CXCL13: variants seen among roughly 807,000 people sequenced by gnomAD.
CXCL13 encodes C-X-C motif chemokine ligand 13.
In CXCL13, 7 loss-of-function variants were observed where a neutral mutation model predicts 12.2. The observed-to-expected ratio is 0.57, with a 90% CI of 0.33 to 1.07. The LOEUF (loss-of-function observed/expected upper bound fraction) is 1.07. Ranked by LOEUF, CXCL13 falls within the 50% of genes least tolerant of loss-of-function variation. The pLI, the probability that CXCL13 is intolerant of heterozygous loss-of-function variation, is 0.04. For missense variants in CXCL13, 113 were observed against 127.4 expected (o/e 0.89, Z 0.55); for synonymous variants, 47 against 42.4 (o/e 1.11, Z -0.42).
At chr4:77,566,050 G>T (rs559019701) in intron 1 of CXCL13, among the ~76,000 whole-genome samples, 1 of 152,092 alleles carries the variant, frequency 6.6e-6, no homozygotes, top group Non-Finnish European at 1.5e-5. Flanking sequence ...GGACCTATGC[G>T]TCAAGTTTCA....
At chr4:77,556,564 T>C (rs1399633644) in intron 1 of CXCL13, among the ~76,000 whole-genome samples, 3 of 152,210 alleles carry the variant, frequency 2.0e-5, no homozygotes, top group Admixed American at 6.5e-5. Context: ...ACTCAAACTG[T>C]ATATTTAAAA....
At chr4:77,555,651 T>C (rs1725640759) in intron 1 of CXCL13, among the ~76,000 whole-genome samples, 1 of 152,068 alleles carries the variant, frequency 6.6e-6, no homozygotes, top group Non-Finnish European at 1.5e-5. Flanking sequence ...GAAAGAATAA[T>C]ATTAAACATT....
intron 1 of CXCL13, among the ~76,000 whole-genome samples, chr4:77,539,768 G>A (rs976401840): frequency 9.2e-5 from 14 of 152,094 alleles, no homozygotes; most frequent in Non-Finnish European, 1.6e-4. Flanking sequence ...GTTCCCTGGT[G>A]CCAGCTGCAA....
intron 1 of CXCL13, among the ~76,000 whole-genome samples, chr4:77,594,225 G>A (rs904905707): frequency 6.6e-5 from 10 of 152,106 alleles, no homozygotes; most frequent in Admixed American, 3.9e-4. Context: ...TGCAGAGGAC[G>A]AGAGGAGTGA....
At chr4:77,519,491 T>A (rs902840481) in intron 1 of CXCL13, among the ~76,000 whole-genome samples, 22 of 152,216 alleles carry the variant, frequency 1.4e-4, no homozygotes, top group South Asian at 2.1e-4. Context: ...TTTTTTCATG[T>A]GTCTGTTGGC....
At chr4:77,543,955 T>G (rs1725285336) in intron 1 of CXCL13, among the ~76,000 whole-genome samples, 2 of 152,140 alleles carry the variant, frequency 1.3e-5, no homozygotes, top group Non-Finnish European at 2.9e-5. Flanking sequence ...TGTCCAAATG[T>G]TCTCATTGTT....
Position 77,600,274 on chromosome 4 carries a change from C to T in CXCL13, c.-42-5550C>T, listed in dbSNP as rs534968920. ...GGGAGAGAGTACACAGTGAGAGGAG[C>T]GGAATAGCTAGTTAGATGAAGAAGA... On this transcript the variant is annotated intron_variant, in intron 1 of 4. Coordinates refer to the CXCL13 transcript ENST00000286758. 7.3e-5 allele frequency among the ~76,000 whole-genome samples: 11 copies of T among 151,482 alleles called. No homozygotes were observed. The South Asian group carries it at 1.7e-3, about 23-fold the overall frequency.
upstream of CXCL13, among the ~76,000 whole-genome samples, chr4:77,601,096 T>TA (rs1188008643): frequency 6.6e-6 from 1 of 152,164 alleles, no homozygotes; most frequent in Non-Finnish European, 1.5e-5. Flanking sequence ...ATCACCACCC[T>TA]ACAAGGTAAT....
chr4:77,559,936 A>AAAC (rs1177691123), intron 1 of CXCL13, among the ~76,000 whole-genome samples: 1 of 151,348 alleles, frequency 6.6e-6, no homozygotes, highest in Admixed American at 6.6e-5. Context: ...AAAAAAAAAA[A>AAAC]AAAACCTGAC....
chr4:77,551,299 T>C lies in CXCL13; in HGVS notation c.-43+39511T>C, dbSNP rs77678526. On this transcript the variant is annotated intron_variant, in intron 1 of 4. Coordinates refer to the CXCL13 transcript ENST00000286758. ...TGTTTAAAATTCCTTTGAGGCTCTCTTGAAGGTTGGTCTAGTGGTAACAAA... is the reference window on the plus strand; with the variant it reads ...TGTTTAAAATTCCTTTGAGGCTCTCCTGAAGGTTGGTCTAGTGGTAACAAA... 6.6e-3 allele frequency among the ~76,000 whole-genome samples: 1,004 copies of C among 152,348 alleles called. 5 individuals are homozygous for C. The highest frequency in any genetic ancestry group is 0.023 in the African/African-American group (950 of 41,570).
In CXCL13 at chr4:77,611,175, C is replaced by T. The variant is rs1444111785; in HGVS notation, c.*136C>T. The T allele has an allele frequency of 1.7e-5, 12 of 716,358 alleles. No individual in the cohort carries two copies. Among genetic ancestry groups the T allele is most frequent in the African/African-American group, 7.1e-5 (4 of 56,700 alleles). The allele number at this position is 716,358 out of a possible 1,614,324, so 44.4% of individuals were successfully genotyped here. On this transcript the variant is annotated 3_prime_UTR_variant, in exon 4 of 4. Coordinates refer to ENST00000682537, the MANE Select transcript of CXCL13 (RefSeq NM_001371558.1). ...AAGCATGAGACTATGTAAAAATAAC[C>T]TTGCAGAAGCTGATGGGGCAAACTC... is the stretch of plus-strand genomic sequence containing the variant.
intron 1 of CXCL13, among the ~76,000 whole-genome samples, chr4:77,599,306 T>A (rs1379402481): frequency 6.6e-6 from 1 of 152,192 alleles, no homozygotes; most frequent in Non-Finnish European, 1.5e-5. Flanking sequence ...TATTTGCATA[T>A]AACCTGTGCA....
intron 1 of CXCL13, among the ~76,000 whole-genome samples, chr4:77,523,681 G>A (rs990453269): frequency 6.6e-6 from 1 of 152,152 alleles, no homozygotes; most frequent in Non-Finnish European, 1.5e-5. Context: ...GGAGAAGTTT[G>A]TTATTACCGA....
chr4:77,526,322 A>T (rs1560515219), intron 1 of CXCL13, among the ~76,000 whole-genome samples: 1 of 152,150 alleles, frequency 6.6e-6, no homozygotes, highest in African/African-American at 2.4e-5. Flanking sequence ...TAAATTTAAA[A>T]TTTTAAATGT....
At chr4:77,534,419 A>G (rs948133323) in intron 1 of CXCL13, among the ~76,000 whole-genome samples, 2 of 152,216 alleles carry the variant, frequency 1.3e-5, no homozygotes, top group African/African-American at 4.8e-5. Flanking sequence ...AAAACGACCA[A>G]ATTATTGATA....
intron 1 of CXCL13, among the ~76,000 whole-genome samples, chr4:77,600,720 A>C (rs746674183): frequency 6.6e-6 from 1 of 152,202 alleles, no homozygotes; most frequent in Non-Finnish European, 1.5e-5. Context: ...TAATCACAGA[A>C]GGTACAAGCC....
At chr4:77,548,010 A>G (rs1272666216) in intron 1 of CXCL13, among the ~76,000 whole-genome samples, 1 of 152,180 alleles carries the variant, frequency 6.6e-6, no homozygotes, top group Non-Finnish European at 1.5e-5. Context: ...TTGGCTGGAT[A>G]TGAAATTCTG....
upstream of CXCL13, among the ~76,000 whole-genome samples, chr4:77,601,109 C>T (rs116032776): frequency 6.8e-3 from 1,042 of 152,264 alleles, 8 homozygotes; most frequent in Non-Finnish European, 0.012. Flanking sequence ...AAGGTAATAG[C>T]TTTCGGTACA....
At chr4:77,584,490 G>T (rs993936417) in intron 1 of CXCL13, among the ~76,000 whole-genome samples, 2 of 152,178 alleles carry the variant, frequency 1.3e-5, no homozygotes, top group African/African-American at 4.8e-5. Context: ...TACCAGAAAT[G>T]AAAATAATCT....
Sources: allele counts gnomAD v4.1 joint callset (sites outside exome capture counted in the v4.1 genomes callset), GRCh38; gene constraint gnomAD v4.1.1; transcripts MANE v1.5; gene names NCBI Gene and HGNC (gene_info 2026-07-23, HGNC 2026-07-21).